Variants in EPSTI1 observed in about 807,000 individuals in gnomAD.
The protein encoded by EPSTI1 is epithelial-stromal interaction protein 1.
Under a neutral mutation model 49.9 loss-of-function variants are expected in EPSTI1, and 66 were observed. The observed-to-expected ratio is 1.32, with a 90% confidence interval of 1.08 to 1.62. The LOEUF is 1.62. Ranked by LOEUF, EPSTI1 falls within the 40% of genes most tolerant of loss-of-function variation. EPSTI1 has a pLI of 0.00. For missense variants in EPSTI1, 394 were observed against 365.5 expected (o/e 1.08, Z -0.64); for synonymous variants, 137 against 130.7 (o/e 1.05, Z -0.33).
At chr13:42,964,461 G>A (rs929306153) in intron 3 of EPSTI1, among the ~76,000 whole-genome samples, 1 of 152,122 alleles carries the variant, frequency 6.6e-6, no homozygotes, top group Non-Finnish European at 1.5e-5. Context: ...AAGAAATAGT[G>A]CCTGTCTTGG....
intron 1 of EPSTI1, among the ~76,000 whole-genome samples, chr13:42,978,891 T>C (rs1285776350): frequency 1.3e-5 from 2 of 152,210 alleles, no homozygotes; most frequent in African/African-American, 4.8e-5. Context: ...CTTTCATAAA[T>C]ATATATCATT....
chr13:42,889,071 C>T, intron 10 of EPSTI1: 1 of 711,342 alleles, frequency 1.4e-6, no homozygotes, highest in Non-Finnish European at 2.5e-6. Flanking sequence ...AAATTAAAAT[C>T]TCAGGTTGCC....
Position 42,969,378 on chromosome 13 carries a change from C to T in EPSTI1, c.248-201G>A. 5.2e-6 allele frequency: 3 copies of T among 581,392 alleles called. No homozygotes were observed. The South Asian group carries it at 6.7e-5, about 13-fold the overall frequency. 36.0% of individuals were successfully genotyped at this position (581,392 alleles called of 1,614,324 possible). On this transcript the variant is annotated intron_variant, in intron 2 of 10. Coordinates refer to ENST00000313624, the MANE Select transcript of EPSTI1 (RefSeq NM_033255.5). ...GGCCCGGCCCTGTGGCACATTCTCA[C>T]CAAGAGTCAGCACAGAGGGTTCGAA...
At chr13:42,924,264 G>A (rs4942179) in intron 7 of EPSTI1, among the ~76,000 whole-genome samples, 23,353 of 152,132 alleles carry the variant, frequency 0.15, 1,915 homozygotes, top group Non-Finnish European at 0.19. Context: ...CAGCTATTGC[G>A]TGGAGTTTAT....
intron 1 of EPSTI1, among the ~76,000 whole-genome samples, chr13:42,978,423 G>A (rs1158359429): frequency 6.6e-6 from 1 of 152,174 alleles, no homozygotes; most frequent in African/African-American, 2.4e-5. Context: ...GCATTCTTTT[G>A]AGTTTCTGAT....
chr13:42,985,036 G>C (rs1293443625), intron 1 of EPSTI1, among the ~76,000 whole-genome samples: 2 of 152,172 alleles, frequency 1.3e-5, no homozygotes, highest in Non-Finnish European at 2.9e-5. Context: ...GCAAGAGATG[G>C]ATAAGGGGGA....
rs764297480 is a variant in EPSTI1, at chr13:42,992,019, C to T, written c.147G>A (p.Lys49=). ...DQREGLEAAP[K]GPSRESVVHA... is the part of the protein sequence containing the mutation. ...GCACGACGCTCTCCCGCGAAGGGCCCTTAGGGGCTGCCTCCAAACCCTCTC... is the reference window on the plus strand; with the variant it reads ...GCACGACGCTCTCCCGCGAAGGGCCTTTAGGGGCTGCCTCCAAACCCTCTC... The change falls in exon 1 of 11, where the codon AAG becomes AAA. Residue 49 remains lysine, a synonymous_variant. Transcript: ENST00000313624. 6 of 1,613,350 alleles carry T rather than the reference C, an allele frequency of 3.7e-6. No homozygotes were observed. In the Admixed American group the frequency reaches 6.7e-5, roughly 18 times the overall value.
At chr13:42,896,964 G>A (rs139291944) in intron 9 of EPSTI1, among the ~76,000 whole-genome samples, 1,600 of 152,178 alleles carry the variant, frequency 0.011, 19 homozygotes, top group Non-Finnish European at 0.017. Flanking sequence ...GCCCGGCATG[G>A]TGGTGGGCAC....
In EPSTI1 at chr13:42,968,941, CACACACACACACA is replaced by C. The variant is rs1333920509; in HGVS notation, c.331+140_331+152del. Among the ~76,000 whole-genome samples, 7 of 130,252 alleles carry C rather than the reference CACACACACACACA, an allele frequency of 5.4e-5. 1 individual carries two copies. The South Asian group carries it at 2.1e-3, about 40-fold the overall frequency. The allele number at this position is 130,252 out of a possible 152,430, so 85.5% of individuals were successfully genotyped here. The stretch of plus-strand genomic sequence containing the variant: ...AAAAATACACACACACACACACACA[CACACACACACACA>C]ATTAAATGCATTCCACCCAAGCAGC... On this transcript the variant is annotated intron_variant, in intron 3 of 10. Coordinates refer to ENST00000313624, the MANE Select transcript of EPSTI1 (RefSeq NM_033255.5).
rs1662683700 is a variant in EPSTI1, at chr13:42,979,967, A to AT, written c.189-9298dup. Among the ~76,000 whole-genome samples, 3 of 151,920 alleles carry AT rather than the reference A, an allele frequency of 2.0e-5. No individual in the cohort carries two copies. The South Asian group carries it at 6.2e-4, about 32-fold the overall frequency. Reference sequence around the variant, plus strand: ...GGATTACACATTTCTATGGTTTGACATGTGTTTGTAGACTCCTATGAGCTC... The same window carrying AT: ...GGATTACACATTTCTATGGTTTGACATTGTGTTTGTAGACTCCTATGAGCTC... On this transcript the variant is annotated intron_variant, in intron 1 of 10. Transcript: ENST00000313624.
At chr13:42,927,547 A>G (rs2038223432) in intron 6 of EPSTI1, among the ~76,000 whole-genome samples, 2 of 152,214 alleles carry the variant, frequency 1.3e-5, no homozygotes, top group Non-Finnish European at 2.9e-5. Flanking sequence ...GGAAACACAA[A>G]GTATCTGGTA....
intron 1 of EPSTI1, among the ~76,000 whole-genome samples, chr13:42,989,308 C>T (rs927615398): frequency 2.6e-5 from 4 of 151,920 alleles, no homozygotes; most frequent in African/African-American, 9.7e-5. Flanking sequence ...TTGGTATTGT[C>T]TTATATTAAG....
intron 1 of EPSTI1, among the ~76,000 whole-genome samples, chr13:42,975,048 T>C (rs982236353): frequency 2.6e-5 from 4 of 152,154 alleles, no homozygotes; most frequent in Admixed American, 2.6e-4. Flanking sequence ...CTTGGGTATA[T>C]ATAAATTGAA....
In EPSTI1 at chr13:42,969,177, A is replaced by C. The variant is rs1249666586; in HGVS notation, c.248T>G (p.Ile83Ser). 1.9e-6 allele frequency: 3 copies of C among 1,613,800 alleles called. No homozygotes were observed. In the African/African-American group the frequency reaches 4.0e-5, roughly 22 times the overall value. ...NINRRNEIQR[I>S]AEQELANLEK... ...CAGGTTGGCCAGCTCCTGCTCCGCA[A>C]CTAAGCCAGGCGAGAAATATCAAAT... The change falls in exon 3 of 11, where the codon ATT becomes AGT. Residue 83 changes from isoleucine to serine, a missense_variant and splice_region_variant. Ile to Ser is a moderately radical substitution (Grantham distance 142, BLOSUM62 -2). Coordinates refer to ENST00000313624, the MANE Select transcript of EPSTI1 (RefSeq NM_033255.5).
chr13:42,955,593 G>T (rs1485512114), intron 5 of EPSTI1, among the ~76,000 whole-genome samples: 1 of 152,130 alleles, frequency 6.6e-6, no homozygotes, highest in African/African-American at 2.4e-5. Flanking sequence ...TCTGAGGTCA[G>T]GAGTTCAAGA....
intron 2 of EPSTI1, chr13:42,970,411 G>A (rs1341114588): frequency 2.2e-6 from 1 of 460,976 alleles, no homozygotes; most frequent in African/African-American, 2.0e-5. Flanking sequence ...CATGAGTTCT[G>A]TTACTAACGT....
At chr13:42,892,020 C>T (rs190271253) in intron 10 of EPSTI1, among the ~76,000 whole-genome samples, 27 of 152,092 alleles carry the variant, frequency 1.8e-4, no homozygotes, top group Non-Finnish European at 2.9e-4. Flanking sequence ...TCACTGAGAC[C>T]GTGGAATTCA....
intron 10 of EPSTI1, among the ~76,000 whole-genome samples, chr13:42,888,864 A>C (rs1414350929): frequency 1.3e-5 from 2 of 152,182 alleles, no homozygotes; most frequent in East Asian, 3.9e-4. Context: ...TTAAATGGAA[A>C]TGTCTCAAGT....
intron 6 of EPSTI1, chr13:42,934,739 G>C (rs1490398550): frequency 1.1e-5 from 2 of 181,890 alleles, no homozygotes; most frequent in East Asian, 2.7e-4. Context: ...GAGGTGACTG[G>C]GCCCCATGCC....
Sources: allele counts gnomAD v4.1 joint callset (sites outside exome capture counted in the v4.1 genomes callset), GRCh38; gene constraint gnomAD v4.1.1; transcripts MANE v1.5; gene names NCBI Gene and HGNC (gene_info 2026-07-23, HGNC 2026-07-21).